The following SSBP3 variants were observed in gnomAD, a reference collection of about 807,000 sequenced individuals.
The protein encoded by SSBP3 is single stranded DNA binding protein 3.
In SSBP3, 5 loss-of-function variants were observed where a neutral mutation model predicts 69.6. That is an observed-to-expected ratio of 0.07 (90% CI 0.04 to 0.15). SSBP3 has a LOEUF of 0.15. Among genes scored for constraint, SSBP3 ranks in the 10% least tolerant of loss-of-function variants. The probability of loss-of-function intolerance (pLI) is 1.00; values close to 1 mark genes in which losing one functional copy is unlikely to be tolerated. For synonymous variants in SSBP3, 196 were observed against 193.4 expected, an observed-to-expected ratio of 1.01 and a Z score of -0.11; for missense variants, 312 against 534.0, an observed-to-expected ratio of 0.58 and a Z score of 4.10.
chr1:54,232,438 T>A (rs643806), intron 14 of SSBP3, among the ~76,000 whole-genome samples: 95,838 of 151,508 alleles, frequency 0.63, 31,203 homozygotes, highest in African/African-American at 0.79. Flanking sequence ...TTATGTTTTT[T>A]TAAAATAAAA....
chr1:54,225,617 C>A, exon 18 of SSBP3: 3 of 365,290 alleles, frequency 8.2e-6, no homozygotes, highest in South Asian at 1.4e-4. Context: ...CAGATGATAT[C>A]TCACATAATA....
intron 4 of SSBP3, among the ~76,000 whole-genome samples, chr1:54,324,390 A>G (rs898731385): frequency 6.6e-6 from 1 of 152,188 alleles, no homozygotes; most frequent in Admixed American, 6.5e-5. Context: ...AGCCGGCTGC[A>G]TTCTCTGCAG....
chr1:54,380,590 G>A (rs1647551333), intron 4 of SSBP3, among the ~76,000 whole-genome samples: 1 of 152,238 alleles, frequency 6.6e-6, no homozygotes, highest in Non-Finnish European at 1.5e-5. Context: ...TTCCTGAGAA[G>A]CTACGGCCCA....
upstream of SSBP3, among the ~76,000 whole-genome samples, chr1:54,408,494 A>G (rs1649909708): frequency 6.6e-6 from 1 of 152,164 alleles, no homozygotes; most frequent in Non-Finnish European, 1.5e-5. Context: ...TGCAAGGCCC[A>G]CAAATTAGGA....
intron 5 of SSBP3, among the ~76,000 whole-genome samples, chr1:54,268,268 T>C (rs886503329): frequency 6.6e-6 from 1 of 152,256 alleles, no homozygotes; most frequent in South Asian, 2.1e-4. Flanking sequence ...TGAAAATGGA[T>C]AGTGCTGCAA....
chr1:54,334,410 T>C (rs1251351690), intron 4 of SSBP3, among the ~76,000 whole-genome samples: 2 of 152,146 alleles, frequency 1.3e-5, no homozygotes, highest in Admixed American at 6.6e-5. Context: ...AGTCAGATGT[T>C]ATAAAGACTC....
intron 4 of SSBP3, among the ~76,000 whole-genome samples, chr1:54,289,080 G>A (rs1645556838): frequency 8.5e-6 from 1 of 117,188 alleles, no homozygotes; most frequent in Admixed American, 8.2e-5. Context: ...ACTCACCCCT[G>A]TAGTTCCCAG....
At chr1:54,228,967 C>T in intron 14 of SSBP3, 141 bp from the exon 15 acceptor site, 1 of 845,408 alleles carries the variant, frequency 1.2e-6, no homozygotes, top group Non-Finnish European at 1.9e-6. Flanking sequence ...TCGGACATGT[C>T]CTGCCTGGCA....
At chr1:54,354,659 A>C (rs767217333) in intron 4 of SSBP3, among the ~76,000 whole-genome samples, 1 of 151,996 alleles carries the variant, frequency 6.6e-6, no homozygotes, top group Non-Finnish European at 1.5e-5. Context: ...CCCAGTAAGT[A>C]CTCTAAGCTC....
intron 4 of SSBP3, among the ~76,000 whole-genome samples, chr1:54,374,936 G>T (rs1243715588): frequency 6.6e-6 from 1 of 152,210 alleles, no homozygotes; most frequent in Non-Finnish European, 1.5e-5. Flanking sequence ...CAGAGAGGGG[G>T]AGGGGACGAG....
intron 4 of SSBP3, among the ~76,000 whole-genome samples, chr1:54,375,193 C>G (rs950862813): frequency 6.6e-6 from 1 of 152,222 alleles, no homozygotes; most frequent in Non-Finnish European, 1.5e-5. Context: ...CGCAGCACAA[C>G]AGCCATCATC....
chr1:54,270,724 C>T (rs1645178472), intron 5 of SSBP3, among the ~76,000 whole-genome samples: 1 of 152,196 alleles, frequency 6.6e-6, no homozygotes. Flanking sequence ...TCTAAAGTCT[C>T]GAGAGCCAAC....
chr1:54,388,823 A>G (rs1406731346), intron 4 of SSBP3, among the ~76,000 whole-genome samples: 1 of 152,242 alleles, frequency 6.6e-6, no homozygotes, highest in African/African-American at 2.4e-5. Context: ...ATGGGCCTAA[A>G]GAGAGCTCAG....
In SSBP3 at chr1:54,387,246, G is replaced by T. The variant is rs562182933; in HGVS notation, c.276+14615C>A. The stretch of plus-strand genomic sequence containing the variant: ...CAGGGCACTGGCCAGAAAAAAGCCT[G>T]AAGTTGAGAGAATCGGGGAGACCCT... On this transcript the variant is annotated intron_variant, in intron 4 of 17. Coordinates refer to ENST00000610401, the Ensembl canonical transcript of SSBP3. Among the ~76,000 whole-genome samples, 9 of 152,310 alleles carry T rather than the reference G, an allele frequency of 5.9e-5. No homozygotes were observed. The South Asian group carries it at 1.9e-3, about 32-fold the overall frequency.
At chr1:54,240,087 T>TGTGCGC (rs1159547661) in intron 13 of SSBP3, among the ~76,000 whole-genome samples, 4 of 42,344 alleles carry the variant, frequency 9.4e-5, no homozygotes, top group Non-Finnish European at 1.7e-4. Flanking sequence ...TGTGTGTGTG[T>TGTGCGC]GCGCGCGCGC....
intron 4 of SSBP3, among the ~76,000 whole-genome samples, chr1:54,308,774 A>AAAGAAGAAG (rs201786293): frequency 3.9e-5 from 6 of 151,906 alleles, no homozygotes; most frequent in Non-Finnish European, 8.8e-5. Flanking sequence ...TCTCAAAAAA[A>AAAGAAGAAG]AAGAAGAAGA....
chr1:54,312,764 C>A (rs1249354365), intron 4 of SSBP3, among the ~76,000 whole-genome samples: 1 of 152,214 alleles, frequency 6.6e-6, no homozygotes, highest in Admixed American at 6.5e-5. Context: ...CCAGGCCTCA[C>A]AAGCTTGGGT....
At position 54,321,464 on chromosome 1, in the gene SSBP3, G is replaced by A. The variant is rs192862102; in HGVS notation, c.277-39937C>T. 2.0e-3 allele frequency among the ~76,000 whole-genome samples: 299 copies of A among 152,280 alleles called. 2 individuals carry two copies. The highest frequency in any genetic ancestry group is 6.6e-3 in the African/African-American group (275 of 41,564). On this transcript the variant is annotated intron_variant, in intron 4 of 17. Transcript: ENST00000610401. ...TTTTACCACACCCTGCTACCATCCCGAAAGCTCTCACTGCATTACCTCAAT... is the reference window on the plus strand; with the variant it reads ...TTTTACCACACCCTGCTACCATCCCAAAAGCTCTCACTGCATTACCTCAAT...
rs1649591476 is a variant in SSBP3 at position 54,404,842 on chromosome 1, G to A, written c.129+16C>T. ...GGGGTGTCAAGAAATTGGATGCTGG[G>A]GGGAGTCCCACTCACCTCCGATAAG... is the stretch of plus-strand genomic sequence containing the variant. On this transcript the variant is annotated intron_variant, in intron 2 of 17. Transcript: ENST00000610401. 11 of 1,599,162 alleles carry A rather than the reference G, an allele frequency of 6.9e-6. No individual in the cohort carries two copies. The highest frequency in any genetic ancestry group is 6.7e-5 in the East Asian group (3 of 44,740).
Sources: gnomAD v4.1 joint callset for allele counts (sites outside exome capture counted in the v4.1 genomes callset) on GRCh38, gnomAD v4.1.1 for gene constraint, MANE v1.5 for transcripts, NCBI Gene and HGNC (gene_info 2026-07-23, HGNC 2026-07-21) for gene names.